Variants in SAMD5 observed in about 807,000 individuals in gnomAD.
SAMD5 encodes the protein sterile alpha motif domain-containing protein 5.
In SAMD5, 13 loss-of-function variants were observed where a neutral mutation model predicts 11.3. The observed-to-expected ratio is 1.15, with a 90% CI of 0.75 to 1.83. SAMD5 has a LOEUF of 1.83. Ranked by LOEUF, SAMD5 falls within the 40% of genes most tolerant of loss-of-function variation. The pLI, the probability that SAMD5 is intolerant of heterozygous loss-of-function variation, is 0.00. For synonymous variants in SAMD5, 129 were observed against 111.3 expected (o/e 1.16, Z -1.00); for missense variants, 255 against 239.1 (o/e 1.07, Z -0.44).
chr6:147,528,215 A>G (rs1212799336), intron 1 of SAMD5, among the ~76,000 whole-genome samples: 1 of 152,210 alleles, frequency 6.6e-6, no homozygotes, highest in Non-Finnish European at 1.5e-5. Context: ...AGGGTTAAGC[A>G]TGGATTTAAC....
the SAMD5 span, among the ~76,000 whole-genome samples, chr6:147,769,260 C>T: frequency 2.6e-5 from 4 of 152,342 alleles, no homozygotes; most frequent in South Asian, 2.1e-4. Flanking sequence ...CAGATTGCAA[C>T]GAATCAAGTG....
the SAMD5 span, among the ~76,000 whole-genome samples, chr6:147,855,266 A>C: frequency 6.6e-6 from 1 of 152,192 alleles, no homozygotes; most frequent in Admixed American, 6.5e-5. Flanking sequence ...CATAGAGGTT[A>C]TAATAACCAT....
chr6:147,633,916 A>G (rs912676013), intron 1 of SAMD5, among the ~76,000 whole-genome samples: 9 of 152,122 alleles, frequency 5.9e-5, no homozygotes, highest in African/African-American at 1.9e-4. Context: ...CATCACCACA[A>G]TCAATTTTAG....
intron 1 of SAMD5, among the ~76,000 whole-genome samples, chr6:147,734,711 T>TAAA (rs61482319): frequency 5.0e-4 from 13 of 26,106 alleles, no homozygotes; most frequent in Non-Finnish European, 9.4e-4. Context: ...AGACTCCATC[T>TAAA]AAAAAAAAAA....
chr6:147,846,061 C>T, the SAMD5 span, among the ~76,000 whole-genome samples: 5 of 151,176 alleles, frequency 3.3e-5, no homozygotes, highest in South Asian at 2.1e-4. Flanking sequence ...AATGAATGAT[C>T]GATACACACC....
At chr6:147,554,404 C>T (rs937405809) in intron 1 of SAMD5, among the ~76,000 whole-genome samples, 36 of 152,284 alleles carry the variant, frequency 2.4e-4, no homozygotes, top group African/African-American at 7.2e-4. Flanking sequence ...TTGCCCCTTC[C>T]GATTCATCAA....
chr6:147,575,991 TACAC>T (rs1417754486), intron 1 of SAMD5, among the ~76,000 whole-genome samples: 1 of 152,176 alleles, frequency 6.6e-6, no homozygotes, highest in African/African-American at 2.4e-5. Flanking sequence ...GCATTACCAA[TACAC>T]ACACCCACTA....
chr6:147,745,259 TG>T, the SAMD5 span, among the ~76,000 whole-genome samples: 1 of 152,144 alleles, frequency 6.6e-6, no homozygotes, highest in East Asian at 1.9e-4. Context: ...AAATTGAAGC[TG>T]GGAGATGGGT....
At chr6:147,839,481 G>A in the SAMD5 span, among the ~76,000 whole-genome samples, 1 of 152,206 alleles carries the variant, frequency 6.6e-6, no homozygotes, top group African/African-American at 2.4e-5. Context: ...GGGCGCAATG[G>A]CTCATGCCTG....
At chr6:147,729,304 T>C (rs1329130094) in intron 1 of SAMD5, among the ~76,000 whole-genome samples, 2 of 152,190 alleles carry the variant, frequency 1.3e-5, no homozygotes, top group African/African-American at 2.4e-5. Flanking sequence ...AATTTCGAGG[T>C]GACACAATTC....
chr6:147,581,752 T>A (rs1789300902), intron 1 of SAMD5, among the ~76,000 whole-genome samples: 1 of 151,676 alleles, frequency 6.6e-6, no homozygotes, highest in Admixed American at 6.6e-5. Context: ...GAAGGATGGG[T>A]GGAAGGTGAG....
intron 1 of SAMD5, among the ~76,000 whole-genome samples, chr6:147,694,352 C>T (rs1791145608): frequency 6.6e-6 from 1 of 152,052 alleles, no homozygotes; most frequent in Non-Finnish European, 1.5e-5. Context: ...TGAAGTGGCC[C>T]CTCATGACTG....
chr6:147,902,280 A>G, the SAMD5 span, among the ~76,000 whole-genome samples: 1 of 152,192 alleles, frequency 6.6e-6, no homozygotes, highest in Admixed American at 6.5e-5. Context: ...GCCGCATTAT[A>G]AAATCCAGTT....
intron 1 of SAMD5, among the ~76,000 whole-genome samples, chr6:147,577,634 A>G (rs575979527): frequency 3.3e-5 from 5 of 152,178 alleles, no homozygotes; most frequent in Admixed American, 6.5e-5. Context: ...ATAAGTAAAT[A>G]TATTTTCTAA....
intron 1 of SAMD5, among the ~76,000 whole-genome samples, chr6:147,602,242 A>G (rs1789627917): frequency 6.6e-6 from 1 of 152,360 alleles, no homozygotes. Flanking sequence ...CATTTTTGAC[A>G]TAACATTTTC....
At chr6:147,694,934 A>G (rs772690066) in intron 1 of SAMD5, among the ~76,000 whole-genome samples, 1 of 152,358 alleles carries the variant, frequency 6.6e-6, no homozygotes, top group East Asian at 1.9e-4. Flanking sequence ...ACAAGACTAT[A>G]TATTTGATAA....
the SAMD5 span, among the ~76,000 whole-genome samples, chr6:147,896,755 A>ACAAAAAACAAACAAAC: frequency 0.13 from 18,538 of 142,464 alleles, 2,266 homozygotes; most frequent in African/African-American, 0.3. Flanking sequence ...AAAAAAAAAA[A>ACAAAAAACAAACAAAC]AAAAAAAACG....
At chr6:147,755,065 A>C in the SAMD5 span, among the ~76,000 whole-genome samples, 1 of 152,056 alleles carries the variant, frequency 6.6e-6, no homozygotes, top group Non-Finnish European at 1.5e-5. Flanking sequence ...GTTCCACATA[A>C]ATTTTAGGAT....
At chr6:147,873,269 C>A in the SAMD5 span, among the ~76,000 whole-genome samples, 3 of 151,434 alleles carry the variant, frequency 2.0e-5, no homozygotes, top group Admixed American at 6.6e-5. Context: ...CCCAGCTACT[C>A]GGGAGGCTGA....
Sources: gnomAD v4.1 joint callset for allele counts (sites outside exome capture counted in the v4.1 genomes callset) on GRCh38, gnomAD v4.1.1 for gene constraint, MANE v1.5 for transcripts, NCBI Gene and HGNC (gene_info 2026-07-23, HGNC 2026-07-21) for gene names.